FSHR: variants seen among roughly 807,000 people sequenced by gnomAD.
FSHR encodes the protein follicle stimulating hormone receptor.
FSHR carries 46 observed loss-of-function variants against 52.1 expected under a neutral mutation model. That is an observed-to-expected ratio of 0.88 (90% confidence interval 0.70 to 1.13). FSHR has a LOEUF of 1.13. Ranked by LOEUF, FSHR falls within the 50% of genes most tolerant of loss-of-function variation. FSHR has a pLI of 0.00. For synonymous variants in FSHR, 399 were observed against 309.6 expected, an observed-to-expected ratio of 1.29 and a Z score of -3.03; for missense variants, 964 against 834.6, an observed-to-expected ratio of 1.16 and a Z score of -1.91.
intron 1 of FSHR, among the ~76,000 whole-genome samples, chr2:49,083,423 G>T (rs1670252860): frequency 6.6e-6 from 1 of 151,372 alleles, no homozygotes; most frequent in African/African-American, 2.4e-5. Flanking sequence ...AGACTAGGAA[G>T]AAACTGCATC....
chr2:49,003,014 A>G (rs766706218), intron 4 of FSHR, among the ~76,000 whole-genome samples: 1 of 152,004 alleles, frequency 6.6e-6, no homozygotes, highest in Non-Finnish European at 1.5e-5. Context: ...TCTTCTTAGC[A>G]CTGCTATCTT....
intron 1 of FSHR, among the ~76,000 whole-genome samples, chr2:49,072,047 A>G (rs1669757132): frequency 6.6e-6 from 1 of 152,170 alleles, no homozygotes. Flanking sequence ...CAAGTCAATA[A>G]AGAACACTAA....
intron 3 of FSHR, among the ~76,000 whole-genome samples, chr2:49,018,193 A>C (rs564605791): frequency 1.3e-5 from 2 of 152,300 alleles, no homozygotes; most frequent in South Asian, 4.1e-4. Context: ...GATTCCCTTT[A>C]TGCAGTAGAC....
chr2:49,012,954 C>T (rs1333197513), intron 4 of FSHR, among the ~76,000 whole-genome samples: 1 of 152,068 alleles, frequency 6.6e-6, no homozygotes. Context: ...AATAGAACTT[C>T]TGGTAGGTAA....
At chr2:48,968,618 C>T in intron 9 of FSHR, 80 bp downstream of exon 9, 1 of 1,518,708 alleles carries the variant, frequency 6.6e-7, no homozygotes, top group Non-Finnish European at 9.1e-7. Flanking sequence ...AGATTCTCTT[C>T]ATGTCACAGA....
In FSHR at chr2:49,146,492, T is replaced by C. The variant is rs1036169884; in HGVS notation, c.152+7774A>G. Among the ~76,000 whole-genome samples the C allele has an allele frequency of 3.3e-5, 5 of 151,926 alleles. No individual in the cohort carries two copies. The South Asian group carries it at 1.0e-3, about 31-fold the overall frequency. ...TCTTTGTTTAAAACCCCTCAACAAG[T>C]TGAAAATATCAAGAGAAAGAGATGT... On this transcript the variant is annotated intron_variant, in intron 1 of 9. Transcript: ENST00000406846.
intron 1 of FSHR, among the ~76,000 whole-genome samples, chr2:49,100,293 G>A (rs2103720543): frequency 6.6e-6 from 1 of 152,186 alleles, no homozygotes; most frequent in South Asian, 2.1e-4. Context: ...TTGTAAGTGT[G>A]AACTGGTACC....
intron 6 of FSHR, among the ~76,000 whole-genome samples, chr2:48,988,544 A>G (rs1334499550): frequency 1.3e-5 from 2 of 152,228 alleles, no homozygotes; most frequent in African/African-American, 4.8e-5. Context: ...AGAAAATGAG[A>G]AGTCATCCTA....
At chr2:49,060,048 C>T (rs867181776) in intron 2 of FSHR, among the ~76,000 whole-genome samples, 4 of 151,966 alleles carry the variant, frequency 2.6e-5, no homozygotes, top group South Asian at 2.1e-4. Flanking sequence ...GTGATCTGAA[C>T]AGATATTTCT....
intron 1 of FSHR, among the ~76,000 whole-genome samples, chr2:49,152,284 C>A (rs1051802480): frequency 6.6e-6 from 1 of 152,118 alleles, no homozygotes; most frequent in African/African-American, 2.4e-5. Context: ...CTCTGTTCAT[C>A]ACACTCTCTC....
chr2:49,001,776 A>G (rs908923358), intron 4 of FSHR, among the ~76,000 whole-genome samples: 2 of 152,158 alleles, frequency 1.3e-5, no homozygotes, highest in African/African-American at 4.8e-5. Context: ...CTTCATCCAC[A>G]TTCTAAATCT....
At chr2:49,031,384 C>A (rs926870462) in intron 2 of FSHR, among the ~76,000 whole-genome samples, 1 of 152,044 alleles carries the variant, frequency 6.6e-6, no homozygotes, top group African/African-American at 2.4e-5. Context: ...TTCCAATGAC[C>A]CTGAAATTAG....
At chr2:49,117,707 T>A (rs538862689) in intron 1 of FSHR, among the ~76,000 whole-genome samples, 80 of 152,312 alleles carry the variant, frequency 5.3e-4, no homozygotes, top group Admixed American at 1.0e-3. Flanking sequence ...AGAAATATTT[T>A]AACCTCTTCA....
At chr2:48,972,372 T>C (rs988202362) in intron 8 of FSHR, among the ~76,000 whole-genome samples, 1 of 152,220 alleles carries the variant, frequency 6.6e-6, no homozygotes, top group Non-Finnish European at 1.5e-5. Context: ...CCTATTATGA[T>C]TCTTCAGATT....
At position 49,033,724 on chromosome 2, in the gene FSHR, A is replaced by G. The variant is rs532199045; in HGVS notation, c.225-13564T>C. On this transcript the variant is annotated intron_variant, in intron 2 of 9. Coordinates refer to ENST00000406846, the MANE Select transcript of FSHR (RefSeq NM_000145.4). The stretch of plus-strand genomic sequence containing the variant: ...GTTCCCTATACTAGTCTCTGCTGTA[A>G]GAAAAAAAATCATTTACCCCCAAGT... Among the ~76,000 whole-genome samples, 5 of 152,248 alleles carry G rather than the reference A, an allele frequency of 3.3e-5. No homozygotes were observed. The South Asian group carries it at 1.0e-3, about 32-fold the overall frequency.
At chr2:49,142,132 T>C (rs1224931593) in intron 1 of FSHR, among the ~76,000 whole-genome samples, 1 of 152,198 alleles carries the variant, frequency 6.6e-6, no homozygotes. Context: ...ATGTATTGAG[T>C]GTTTACTCTG....
intron 2 of FSHR, among the ~76,000 whole-genome samples, chr2:49,030,417 G>A (rs1156518975): frequency 6.6e-6 from 1 of 152,030 alleles, no homozygotes; most frequent in Non-Finnish European, 1.5e-5. Context: ...TACCGTACCT[G>A]TAACAAATGG....
chr2:48,990,402 C>T lies in FSHR; in HGVS notation c.446+164G>A, dbSNP rs116833469. ...CTCCAAACTAATATTGACTGGCCTGCAGGTAAAATCAAGGACCTCACTTCT... is the reference window on the plus strand; with the variant it reads ...CTCCAAACTAATATTGACTGGCCTGTAGGTAAAATCAAGGACCTCACTTCT... On this transcript the variant is annotated intron_variant, in intron 5 of 9. Transcript: ENST00000406846. 3.4e-3 allele frequency among the ~76,000 whole-genome samples: 512 copies of T among 152,242 alleles called. 6 individuals carry two copies. The highest frequency in any genetic ancestry group is 0.012 in the African/African-American group (491 of 41,538).
Position 49,154,495 on chromosome 2 carries a change from T to A in FSHR, c.-78A>T. The stretch of plus-strand genomic sequence containing the variant: ...CACAGATCTCAGAAGCTCCACACAG[T>A]GCCCTTATGAGAAGAGATCTGACTT... On this transcript the variant is annotated 5_prime_UTR_variant, in exon 1 of 10. Coordinates refer to ENST00000406846, the MANE Select transcript of FSHR (RefSeq NM_000145.4). The A allele has an allele frequency of 6.9e-7, 1 of 1,450,850 alleles. No homozygotes were observed. The highest frequency in any genetic ancestry group is 9.6e-7 in the Non-Finnish European group (1 of 1,041,982). The allele number at this position is 1,450,850 out of a possible 1,614,324, so 89.9% of individuals were successfully genotyped here.
Sources: gnomAD v4.1 joint callset for allele counts (sites outside exome capture counted in the v4.1 genomes callset) on GRCh38, gnomAD v4.1.1 for gene constraint, MANE v1.5 for transcripts, NCBI Gene and HGNC (gene_info 2026-07-23, HGNC 2026-07-21) for gene names.